ATRNL1: variants seen among roughly 807,000 people sequenced by gnomAD.
ATRNL1 encodes the protein attractin-like protein 1.
Under a neutral mutation model 182.7 loss-of-function variants are expected in ATRNL1, and 95 were observed. The observed-to-expected ratio is 0.52, with a 90% CI of 0.44 to 0.62. The LOEUF (loss-of-function observed/expected upper bound fraction) is 0.62, where lower values mean the gene tolerates loss of function less well. ATRNL1 is among the 20% of genes least tolerant of loss of function. The pLI, the probability that ATRNL1 is intolerant of heterozygous loss-of-function variation, is 0.00. For missense variants in ATRNL1, 1,471 were observed against 1,679.5 expected (o/e 0.88, Z 2.17); for synonymous variants, 576 against 568.3 (o/e 1.01, Z -0.19).
rs542137337 is a variant in ATRNL1, at chr10:115,716,800, G to A, written c.3796-10448G>A. Reference sequence around the variant, plus strand: ...TGATCATATTGTACACCTCCTGGATGTCCGAGACATAGCATTCATTTGTCC... The same window carrying A: ...TGATCATATTGTACACCTCCTGGATATCCGAGACATAGCATTCATTTGTCC... On this transcript the variant is annotated intron_variant, in intron 26 of 28. Coordinates refer to ENST00000355044, the MANE Select transcript of ATRNL1 (RefSeq NM_207303.4). Among the ~76,000 whole-genome samples, 23 of 152,244 alleles carry A rather than the reference G, an allele frequency of 1.5e-4. 1 individual carries two copies. In the South Asian group the frequency reaches 4.6e-3, roughly 30 times the overall value.
intron 20 of ATRNL1, among the ~76,000 whole-genome samples, chr10:115,401,110 T>A (rs540259317): frequency 6.6e-6 from 1 of 152,158 alleles, no homozygotes; most frequent in South Asian, 2.1e-4. Flanking sequence ...CCCCTAGAAC[T>A]TCATAGGTTT....
At chr10:115,930,039 G>T (rs1953348830) in intron 28 of ATRNL1, among the ~76,000 whole-genome samples, 1 of 152,096 alleles carries the variant, frequency 6.6e-6, no homozygotes, top group Non-Finnish European at 1.5e-5. Flanking sequence ...CTTCTAGGAA[G>T]TTTAGGAAAT....
At chr10:115,913,966 T>C (rs1315916725) in intron 28 of ATRNL1, among the ~76,000 whole-genome samples, 1 of 152,200 alleles carries the variant, frequency 6.6e-6, no homozygotes, top group African/African-American at 2.4e-5. Flanking sequence ...AATTTCATCT[T>C]GAATTGTAAC....
chr10:115,453,826 T>G (rs1847393053), intron 21 of ATRNL1, among the ~76,000 whole-genome samples: 1 of 150,988 alleles, frequency 6.6e-6, no homozygotes, highest in African/African-American at 2.4e-5. Context: ...AGGGATAGCA[T>G]TAGGAGATAT....
intron 28 of ATRNL1, among the ~76,000 whole-genome samples, chr10:115,864,242 G>C (rs782442009): frequency 1.3e-5 from 2 of 151,250 alleles, no homozygotes; most frequent in Non-Finnish European, 2.9e-5. Context: ...CTCGGAGCCT[G>C]GGTAACAGAG....
intron 26 of ATRNL1, among the ~76,000 whole-genome samples, chr10:115,643,167 C>T (rs568956236): frequency 2.0e-5 from 3 of 152,064 alleles, no homozygotes; most frequent in East Asian, 3.9e-4. Flanking sequence ...CATAAATATA[C>T]CCACATATAT....
At chr10:115,462,337 G>A (rs1847845997) in intron 22 of ATRNL1, among the ~76,000 whole-genome samples, 1 of 152,006 alleles carries the variant, frequency 6.6e-6, no homozygotes, top group Non-Finnish European at 1.5e-5. Context: ...AACTCGTTCG[G>A]GCGCAGTGGC....
chr10:115,443,834 A>G (rs1846823330), intron 21 of ATRNL1, among the ~76,000 whole-genome samples: 1 of 152,078 alleles, frequency 6.6e-6, no homozygotes. Flanking sequence ...TAAGTCTTTA[A>G]TCAAAAATTG....
intron 26 of ATRNL1, among the ~76,000 whole-genome samples, chr10:115,641,437 A>G (rs1555030389): frequency 6.6e-6 from 1 of 152,194 alleles, no homozygotes; most frequent in Non-Finnish European, 1.5e-5. Flanking sequence ...TGCCCTAGTT[A>G]AACTGTCCAG....
chr10:115,768,032 AC>A (rs782703551), intron 27 of ATRNL1, among the ~76,000 whole-genome samples: 22 of 152,326 alleles, frequency 1.4e-4, no homozygotes, highest in Non-Finnish European at 2.9e-4. Flanking sequence ...AATGTTAAAG[AC>A]ATCAATATAC....
intron 21 of ATRNL1, among the ~76,000 whole-genome samples, chr10:115,435,701 T>G (rs1173413654): frequency 2.6e-5 from 4 of 152,188 alleles, no homozygotes; most frequent in African/African-American, 9.6e-5. Context: ...TATCCCCAGC[T>G]AATATTCCAA....
intron 27 of ATRNL1, among the ~76,000 whole-genome samples, chr10:115,846,112 A>G (rs947862033): frequency 1.3e-5 from 2 of 152,068 alleles, no homozygotes; most frequent in Non-Finnish European, 2.9e-5. Context: ...TAAGCTTTAA[A>G]GTGTAAAACC....
intron 8 of ATRNL1, among the ~76,000 whole-genome samples, chr10:115,201,074 T>A (rs1184634759): frequency 1.3e-5 from 2 of 150,646 alleles, no homozygotes; most frequent in African/African-American, 4.9e-5. Context: ...TTGGTGGGCT[T>A]GTTTTTTTTT....
At chr10:115,805,591 G>A (rs1016093701) in intron 27 of ATRNL1, among the ~76,000 whole-genome samples, 1 of 152,026 alleles carries the variant, frequency 6.6e-6, no homozygotes, top group Admixed American at 6.6e-5. Flanking sequence ...GAGCATCAGG[G>A]AGCTTAGTTC....
chr10:115,759,517 G>A (rs564885840), intron 27 of ATRNL1, among the ~76,000 whole-genome samples: 1 of 152,168 alleles, frequency 6.6e-6, no homozygotes, highest in Admixed American at 6.5e-5. Context: ...TAGTGAGAAC[G>A]AATGAGTGAG....
At chr10:115,816,861 A>G (rs1293107838) in intron 27 of ATRNL1, among the ~76,000 whole-genome samples, 1 of 152,142 alleles carries the variant, frequency 6.6e-6, no homozygotes, top group Non-Finnish European at 1.5e-5. Context: ...TATTTTAGCA[A>G]CAGTTGGAAT....
intron 27 of ATRNL1, among the ~76,000 whole-genome samples, chr10:115,734,840 A>T (rs1555064891): frequency 6.6e-6 from 1 of 151,992 alleles, no homozygotes; most frequent in East Asian, 1.9e-4. Flanking sequence ...TTTTATCCTC[A>T]ATTGATTTGC....
At chr10:115,399,665 C>T (rs2134297717) in intron 20 of ATRNL1, among the ~76,000 whole-genome samples, 1 of 151,654 alleles carries the variant, frequency 6.6e-6, no homozygotes, top group Admixed American at 6.6e-5. Flanking sequence ...GTGTCTTTAT[C>T]TCCTTCATTT....
intron 24 of ATRNL1, among the ~76,000 whole-genome samples, chr10:115,475,938 G>T (rs1342870386): frequency 1.3e-5 from 2 of 151,122 alleles, no homozygotes; most frequent in African/African-American, 4.8e-5. Flanking sequence ...AATTATAACT[G>T]CTCATCATAA....
Sources: gnomAD v4.1 joint callset for allele counts (sites outside exome capture counted in the v4.1 genomes callset) on GRCh38, gnomAD v4.1.1 for gene constraint, MANE v1.5 for transcripts, NCBI Gene and HGNC (gene_info 2026-07-23, HGNC 2026-07-21) for gene names.